The following IGSF21 variants were observed in gnomAD, a reference collection of about 807,000 sequenced individuals.
IGSF21 encodes the protein immunoglobulin superfamily member 21.
In IGSF21, 28 loss-of-function variants were observed where a neutral mutation model predicts 46.8. The ratio of observed to expected loss-of-function variants is 0.60; its 90% CI spans 0.44 to 0.82. IGSF21 has a LOEUF of 0.82. IGSF21 is among the 40% of genes least tolerant of loss of function. IGSF21 has a pLI of 0.00. For synonymous variants in IGSF21, 284 were observed against 273.6 expected (o/e 1.04, Z -0.38); for missense variants, 624 against 665.5 (o/e 0.94, Z 0.69).
At chr1:18,341,045 C>CTTCTTCT (rs55780171) in intron 4 of IGSF21, among the ~76,000 whole-genome samples, 2,759 of 77,862 alleles carry the variant, frequency 0.035, 51 homozygotes, top group Admixed American at 0.044. Flanking sequence ...CTTCTTCTTC[C>CTTCTTCT]TCTTCCTCTT....
chr1:18,285,450 G>A (rs2085203615), intron 2 of IGSF21, among the ~76,000 whole-genome samples: 1 of 152,158 alleles, frequency 6.6e-6, no homozygotes, highest in Non-Finnish European at 1.5e-5. Context: ...TGGAGCATGA[G>A]AAACTGTGGT....
intron 1 of IGSF21, among the ~76,000 whole-genome samples, chr1:18,197,390 C>T (rs972084368): frequency 2.0e-5 from 3 of 152,234 alleles, no homozygotes; most frequent in Non-Finnish European, 4.4e-5. Context: ...TCTCCATCAG[C>T]CCACAGTAAG....
chr1:18,282,003 C>A (rs969912530), intron 2 of IGSF21, among the ~76,000 whole-genome samples: 2 of 152,162 alleles, frequency 1.3e-5, no homozygotes, highest in East Asian at 1.9e-4. Flanking sequence ...CCTGGGCATG[C>A]CCCTCCCCTC....
At chr1:18,177,369 G>A (rs148167712) in intron 1 of IGSF21, among the ~76,000 whole-genome samples, 3 of 152,054 alleles carry the variant, frequency 2.0e-5, no homozygotes, top group East Asian at 1.9e-4. Flanking sequence ...GACTGTGGTC[G>A]TGTGTGGGGA....
intron 3 of IGSF21, among the ~76,000 whole-genome samples, chr1:18,332,011 C>A (rs945156209): frequency 6.6e-6 from 1 of 152,154 alleles, no homozygotes; most frequent in African/African-American, 2.4e-5. Context: ...TACACATAGT[C>A]CTCAGTGAGA....
rs755697211 is a variant in IGSF21, at chr1:18,362,271, G to A, written c.540+41G>A. On this transcript the variant is annotated intron_variant, in intron 5 of 9. Coordinates refer to ENST00000251296, the MANE Select transcript of IGSF21 (RefSeq NM_032880.5). ...GTGCCCAGCTCCTTCCTATCTGCCG[G>A]ACCACCCTGCTTCGGGGCTGGTCCA... 4.9e-6 allele frequency: 7 copies of A among 1,431,220 alleles called. No homozygotes were observed. In the African/African-American group the frequency reaches 5.6e-5, roughly 11 times the overall value. The allele number at this position is 1,431,220 out of a possible 1,614,324, so 88.7% of individuals were successfully genotyped here.
chr1:18,342,070 T>G (rs1569846624), intron 4 of IGSF21, among the ~76,000 whole-genome samples: 2 of 111,876 alleles, frequency 1.8e-5, no homozygotes, highest in African/African-American at 6.0e-5. Flanking sequence ...TTTTTTTTTG[T>G]TTGTTTGTTT....
At chr1:18,338,720 G>A (rs568778278) in intron 4 of IGSF21, among the ~76,000 whole-genome samples, 7 of 152,214 alleles carry the variant, frequency 4.6e-5, no homozygotes, top group Non-Finnish European at 8.8e-5. Context: ...GGTGGGGAAA[G>A]ACATTTGGGA....
intron 2 of IGSF21, among the ~76,000 whole-genome samples, chr1:18,253,370 G>T (rs2084860772): frequency 6.6e-6 from 1 of 152,162 alleles, no homozygotes; most frequent in Admixed American, 6.5e-5. Flanking sequence ...AAATTCACTG[G>T]GAGCAGGGGA....
chr1:18,191,063 G>A (rs1435193432), intron 1 of IGSF21, among the ~76,000 whole-genome samples: 2 of 152,128 alleles, frequency 1.3e-5, no homozygotes, highest in African/African-American at 2.4e-5. Flanking sequence ...GGGACCCTGC[G>A]AGGCTCCAGG....
At chr1:18,348,133 C>T (rs2085913732) in intron 4 of IGSF21, among the ~76,000 whole-genome samples, 1 of 152,138 alleles carries the variant, frequency 6.6e-6, no homozygotes, top group Non-Finnish European at 1.5e-5. Context: ...GAAATTGAGA[C>T]CCAGAGAGGT....
intron 2 of IGSF21, among the ~76,000 whole-genome samples, chr1:18,244,955 ACCTCTCTGT>A (rs1194988416): frequency 6.6e-6 from 1 of 152,178 alleles, no homozygotes; most frequent in Non-Finnish European, 1.5e-5. Flanking sequence ...AAGTTACTTA[ACCTCTCTGT>A]GCTCCAGTTT....
intron 1 of IGSF21, among the ~76,000 whole-genome samples, chr1:18,213,215 T>A (rs933952180): frequency 6.6e-6 from 1 of 152,266 alleles, no homozygotes; most frequent in Admixed American, 6.5e-5. Context: ...TCATTCATCT[T>A]ATTCATTCAT....
At chr1:18,241,999 T>C (rs528227655) in intron 2 of IGSF21, among the ~76,000 whole-genome samples, 2 of 152,110 alleles carry the variant, frequency 1.3e-5, no homozygotes, top group East Asian at 3.9e-4. Context: ...GGGGGAGAGA[T>C]GGAGATGGCC....
chr1:18,167,756 C>T (rs890233494), intron 1 of IGSF21: 30 of 152,180 alleles, frequency 2.0e-4, no homozygotes, highest in African/African-American at 7.2e-4. Flanking sequence ...CCTCCATCCC[C>T]ACTCCTGCTG....
intron 2 of IGSF21, among the ~76,000 whole-genome samples, chr1:18,277,193 C>A (rs2085110437): frequency 6.6e-6 from 1 of 152,228 alleles, no homozygotes; most frequent in African/African-American, 2.4e-5. Context: ...CTGGGGTCAC[C>A]CCAAGTTTGA....
intron 1 of IGSF21, among the ~76,000 whole-genome samples, chr1:18,223,565 G>A (rs1440920532): frequency 1.3e-5 from 2 of 152,212 alleles, no homozygotes; most frequent in East Asian, 1.9e-4. Flanking sequence ...ATATTTACAG[G>A]AGGGTACGAG....
At chr1:18,234,115 T>C (rs1569590967) in intron 2 of IGSF21, among the ~76,000 whole-genome samples, 1 of 152,174 alleles carries the variant, frequency 6.6e-6, no homozygotes, top group African/African-American at 2.4e-5. Context: ...CCTTCTTGCT[T>C]GGCAGCCACT....
At chr1:18,176,598 C>G (rs1439343934) in intron 1 of IGSF21, among the ~76,000 whole-genome samples, 68 of 151,994 alleles carry the variant, frequency 4.5e-4, no homozygotes, top group Non-Finnish European at 4.4e-5. Flanking sequence ...AGCCTTTTCA[C>G]ACTGATGTGC....
Sources: gnomAD v4.1 joint callset for allele counts (sites outside exome capture counted in the v4.1 genomes callset) on GRCh38, gnomAD v4.1.1 for gene constraint, MANE v1.5 for transcripts, NCBI Gene and HGNC (gene_info 2026-07-23, HGNC 2026-07-21) for gene names.